Variants in SUSD6 observed in about 807,000 individuals in gnomAD.
The protein encoded by SUSD6 is sushi domain-containing protein 6.
A neutral mutation model predicts 28.4 loss-of-function variants in SUSD6; 16 were observed. That is an observed-to-expected ratio of 0.56 (90% CI 0.38 to 0.86). The LOEUF is 0.86. SUSD6 is among the 40% of genes least tolerant of loss of function. The pLI is 0.00. For missense variants in SUSD6, 341 were observed against 384.2 expected (o/e 0.89, Z 0.94); for synonymous variants, 147 against 159.6 (o/e 0.92, Z 0.59).
intron 1 of SUSD6, among the ~76,000 whole-genome samples, chr14:69,612,435 A>C (rs1465195461): frequency 6.6e-6 from 1 of 152,210 alleles, no homozygotes; most frequent in Non-Finnish European, 1.5e-5. Context: ...TCTTTCAAAA[A>C]GTAGGCACGT....
chr14:69,683,398 T>C (rs562065259), intron 2 of SUSD6, among the ~76,000 whole-genome samples: 3 of 152,290 alleles, frequency 2.0e-5, no homozygotes, highest in African/African-American at 7.2e-5. Context: ...CATTTAGAAA[T>C]GGTGAACAAA....
chr14:69,668,536 G>A (rs1444417788), intron 2 of SUSD6, among the ~76,000 whole-genome samples: 1 of 151,714 alleles, frequency 6.6e-6, no homozygotes, highest in Admixed American at 6.6e-5. Flanking sequence ...TTGGGAGGCT[G>A]AGGCAGGAAA....
At chr14:69,666,613 G>A (rs950763905) in intron 2 of SUSD6, among the ~76,000 whole-genome samples, 2 of 152,052 alleles carry the variant, frequency 1.3e-5, no homozygotes, top group Non-Finnish European at 2.9e-5. Flanking sequence ...TAGCTATATT[G>A]GTATTTCTTC....
chr14:69,671,422 A>G (rs1410828554), intron 2 of SUSD6, among the ~76,000 whole-genome samples: 1 of 152,198 alleles, frequency 6.6e-6, no homozygotes, highest in Non-Finnish European at 1.5e-5. Flanking sequence ...AGGACAGGCC[A>G]CAGGAGTGCA....
chr14:69,698,201 GC>G (rs1278532364), intron 2 of SUSD6, among the ~76,000 whole-genome samples: 2 of 152,202 alleles, frequency 1.3e-5, no homozygotes, highest in African/African-American at 4.8e-5. Flanking sequence ...GGTGGCACAC[GC>G]CTGTAGTCCC....
intron 2 of SUSD6, among the ~76,000 whole-genome samples, chr14:69,690,756 G>A (rs144067345): frequency 3.3e-5 from 5 of 152,262 alleles, no homozygotes; most frequent in South Asian, 4.2e-4. Context: ...ATCTCATCCC[G>A]CACAAGATGA....
At chr14:69,686,486 T>C (rs1331596710) in intron 2 of SUSD6, among the ~76,000 whole-genome samples, 1 of 152,194 alleles carries the variant, frequency 6.6e-6, no homozygotes, top group East Asian at 1.9e-4. Context: ...GAGTATACAT[T>C]ATATTTTGAC....
chr14:69,620,384 A>G (rs1885020008), intron 1 of SUSD6, among the ~76,000 whole-genome samples: 1 of 152,218 alleles, frequency 6.6e-6, no homozygotes, highest in African/African-American at 2.4e-5. Context: ...TGCTGCAGAA[A>G]CCAAAGGGAA....
At chr14:69,666,109 C>A (rs1885735693) in intron 2 of SUSD6, among the ~76,000 whole-genome samples, 2 of 152,192 alleles carry the variant, frequency 1.3e-5, no homozygotes, top group Admixed American at 6.5e-5. Context: ...TCTTCCATAT[C>A]TCTTGGATTC....
chr14:69,611,992 C>A (rs1884882278), intron 1 of SUSD6, among the ~76,000 whole-genome samples, 164 bp downstream of exon 1: 1 of 149,074 alleles, frequency 6.7e-6, no homozygotes, highest in African/African-American at 2.4e-5. Context: ...CGCCGGCCCG[C>A]TGTCACCCGG....
intron 2 of SUSD6, among the ~76,000 whole-genome samples, chr14:69,669,350 G>A (rs1480063401): frequency 6.6e-6 from 1 of 152,090 alleles, no homozygotes. Context: ...GCCTGAGCCA[G>A]TGCTCCTGGC....
chr14:69,684,805 G>C (rs986395649), intron 2 of SUSD6, among the ~76,000 whole-genome samples: 3 of 152,254 alleles, frequency 2.0e-5, no homozygotes, highest in African/African-American at 7.2e-5. Context: ...TATGGCAGAA[G>C]AGGAGCTAAG....
chr14:69,708,454 C>T (rs576911011), intron 4 of SUSD6, among the ~76,000 whole-genome samples: 1 of 152,272 alleles, frequency 6.6e-6, no homozygotes, highest in Admixed American at 6.5e-5. Flanking sequence ...TGATTGAGGG[C>T]AAGTTAATTA....
Position 69,646,740 on chromosome 14 carries a change from C to T in SUSD6, c.-80-11773C>T, listed in dbSNP as rs375981826. Among the ~76,000 whole-genome samples, 21 of 117,498 alleles carry T rather than the reference C, an allele frequency of 1.8e-4. No homozygotes were observed. The East Asian group carries it at 2.9e-3, about 16-fold the overall frequency. The allele number at this position is 117,498 out of a possible 152,430, so 77.1% of individuals were successfully genotyped here. On this transcript the variant is annotated intron_variant, in intron 1 of 5. Transcript: ENST00000342745. ...TTTTTGAGACAGGGTATCACTCTGT[C>T]GCCCAGGCTGGAGTGCAGCGGTGCA...
At position 69,662,502 on chromosome 14, in the gene SUSD6, A is replaced by G. The variant is rs192467730; in HGVS notation, c.121+3789A>G. On this transcript the variant is annotated intron_variant, in intron 2 of 5. Coordinates refer to ENST00000342745, the MANE Select transcript of SUSD6 (RefSeq NM_014734.4). The stretch of plus-strand genomic sequence containing the variant: ...AGTTATAGCAGAAAAGGTGTTAGAG[A>G]GGCATTGGGTCCAGCTTTCCTTTGG... 5.2e-4 allele frequency among the ~76,000 whole-genome samples: 79 copies of G among 152,300 alleles called. 1 individual carries two copies. Among genetic ancestry groups the G allele is most frequent in the Admixed American group, 1.5e-3 (23 of 15,292 alleles).
At chr14:69,678,928 A>G (rs1434981505) in intron 2 of SUSD6, among the ~76,000 whole-genome samples, 1 of 152,204 alleles carries the variant, frequency 6.6e-6, no homozygotes, top group Non-Finnish European at 1.5e-5. Context: ...CTGGCAGGAG[A>G]GTTCCGGATT....
intron 1 of SUSD6, among the ~76,000 whole-genome samples, chr14:69,628,881 AT>A (rs1434406375): frequency 6.6e-6 from 1 of 151,726 alleles, no homozygotes; most frequent in Non-Finnish European, 1.5e-5. Context: ...TAATTTTTGT[AT>A]TTTTTGAAGA....
rs1886525003 is a variant in SUSD6, at chr14:69,714,915, CAT to C, written c.*3940_*3941del. The stretch of plus-strand genomic sequence containing the variant: ...ATGGAATCCTTTGCAGAATGGTACT[CAT>C]ATAATGGTTTAAAACAACACATTCA... On this transcript the variant is annotated 3_prime_UTR_variant, in exon 6 of 6. Coordinates refer to ENST00000342745, the MANE Select transcript of SUSD6 (RefSeq NM_014734.4). 1 of 152,136 alleles carries C rather than the reference CAT, an allele frequency of 6.6e-6. No homozygotes were observed. 9.4% of individuals were successfully genotyped at this position (152,136 alleles called of 1,614,324 possible).
chr14:69,670,244 C>T (rs1365811634), intron 2 of SUSD6, among the ~76,000 whole-genome samples: 1 of 152,188 alleles, frequency 6.6e-6, no homozygotes, highest in Non-Finnish European at 1.5e-5. Flanking sequence ...AGGAGGGCAG[C>T]AGCAGCCAGG....
Sources: allele counts gnomAD v4.1 joint callset (sites outside exome capture counted in the v4.1 genomes callset), GRCh38; gene constraint gnomAD v4.1.1; transcripts MANE v1.5; gene names NCBI Gene and HGNC (gene_info 2026-07-23, HGNC 2026-07-21).